DDAH1: variants seen among roughly 807,000 people sequenced by gnomAD.
The protein encoded by DDAH1 is N(G),N(G)-dimethylarginine dimethylaminohydrolase 1.
In DDAH1, 19 loss-of-function variants were observed where a neutral mutation model predicts 28.8. The observed-to-expected ratio is 0.66, with a 90% CI of 0.46 to 0.97. The LOEUF (loss-of-function observed/expected upper bound fraction) is 0.97, where lower values mean the gene tolerates loss of function less well. Among genes scored for constraint, DDAH1 ranks in the 50% least tolerant of loss-of-function variants. The pLI, the probability that DDAH1 is intolerant of heterozygous loss-of-function variation, is 0.00. For missense variants in DDAH1, 326 were observed against 375.9 expected (o/e 0.87, Z 1.10); for synonymous variants, 153 against 154.4 (o/e 0.99, Z 0.07).
At chr1:85,565,797 T>C (rs915492136) in intron 1 of DDAH1, among the ~76,000 whole-genome samples, 1 of 152,142 alleles carries the variant, frequency 6.6e-6, no homozygotes, top group Non-Finnish European at 1.5e-5. Flanking sequence ...GGCCAAAATA[T>C]TGGCTGGGTG....
At chr1:85,493,480 C>G (rs1056739951) in intron 2 of DDAH1, 2 of 151,896 alleles carry the variant, frequency 1.3e-5, no homozygotes, top group African/African-American at 4.8e-5. Context: ...AAATTAAAAC[C>G]CAAGGGCAGT....
chr1:85,404,074 C>G (rs1025841853), intron 1 of DDAH1, among the ~76,000 whole-genome samples: 1 of 152,028 alleles, frequency 6.6e-6, no homozygotes, highest in African/African-American at 2.4e-5. Context: ...ATTTCTATAA[C>G]TAGTTTTTAA....
chr1:85,393,821 T>G (rs966013204), intron 1 of DDAH1, among the ~76,000 whole-genome samples: 9 of 152,152 alleles, frequency 5.9e-5, no homozygotes, highest in Non-Finnish European at 1.3e-4. Flanking sequence ...GAATGACAAA[T>G]TTAGGGTTGC....
At position 85,358,758 on chromosome 1, in the gene DDAH1, A is replaced by G; in HGVS notation, c.393T>C (p.Val131=). ...DENATLDGGD[V]LFTGREFFVG... is the part of the protein sequence containing the mutation. ...TAAATACAACTATACCTGTGAATAAAACATCTCCGCCATCTAAAGTTGCAT... is the reference window on the plus strand; with the variant it reads ...TAAATACAACTATACCTGTGAATAAGACATCTCCGCCATCTAAAGTTGCAT... The change falls in exon 2 of 6, where the codon GTT becomes GTC. Residue 131 remains valine, a synonymous_variant. Coordinates refer to ENST00000284031, the MANE Select transcript of DDAH1 (RefSeq NM_012137.4). 6.2e-7 allele frequency: 1 copy of G among 1,605,442 alleles called. No homozygotes were observed. Among genetic ancestry groups the G allele is most frequent in the East Asian group, 2.2e-5 (1 of 44,812 alleles).
Position 85,324,529 on chromosome 1 carries a change from C to T in DDAH1, c.741+211G>A, listed in dbSNP as rs547445897. Among the ~76,000 whole-genome samples, 3 of 152,204 alleles carry T rather than the reference C, an allele frequency of 2.0e-5. No individual in the cohort carries two copies. The South Asian group carries it at 6.2e-4, about 32-fold the overall frequency. On this transcript the variant is annotated intron_variant, in intron 5 of 5. Coordinates refer to ENST00000284031, the MANE Select transcript of DDAH1 (RefSeq NM_012137.4). Reference sequence around the variant, plus strand: ...AAAAGCCTTGAATACCCGGCATGATCATCTCAATTACTATGCATGCATTAG... The same window carrying T: ...AAAAGCCTTGAATACCCGGCATGATTATCTCAATTACTATGCATGCATTAG...
intron 1 of DDAH1, among the ~76,000 whole-genome samples, chr1:85,443,917 G>T (rs907502109): frequency 1.3e-5 from 2 of 152,192 alleles, no homozygotes; most frequent in East Asian, 3.8e-4. Flanking sequence ...ATTTTGGGCT[G>T]AGACGACGGG....
chr1:85,361,229 T>C (rs952485911), intron 1 of DDAH1, among the ~76,000 whole-genome samples: 1 of 152,180 alleles, frequency 6.6e-6, no homozygotes, highest in East Asian at 1.9e-4. Flanking sequence ...CATGGGTCCA[T>C]AGCAAGCCAG....
At chr1:85,394,112 T>A (rs1651692062) in intron 1 of DDAH1, among the ~76,000 whole-genome samples, 1 of 152,210 alleles carries the variant, frequency 6.6e-6, no homozygotes. Flanking sequence ...GTTTGCTGTG[T>A]GTCTGCACCA....
chr1:85,367,788 A>G (rs1335341372), intron 1 of DDAH1, among the ~76,000 whole-genome samples: 3 of 152,166 alleles, frequency 2.0e-5, no homozygotes, highest in Non-Finnish European at 4.4e-5. Context: ...AACTGGTGAG[A>G]ACACATCCAT....
chr1:85,374,237 T>C (rs1650536178), intron 1 of DDAH1, among the ~76,000 whole-genome samples: 1 of 152,118 alleles, frequency 6.6e-6, no homozygotes, highest in African/African-American at 2.4e-5. Flanking sequence ...CATACTTCCC[T>C]GGGCTATTAT....
chr1:85,533,198 G>A (rs1462926852), intron 1 of DDAH1, among the ~76,000 whole-genome samples: 1 of 152,128 alleles, frequency 6.6e-6, no homozygotes, highest in Non-Finnish European at 1.5e-5. Flanking sequence ...TCACCGTGTA[G>A]ACATTAGAGG....
intron 2 of DDAH1, among the ~76,000 whole-genome samples, chr1:85,352,836 C>T (rs1256423365): frequency 6.6e-6 from 1 of 151,716 alleles, no homozygotes; most frequent in Admixed American, 6.6e-5. Flanking sequence ...GTCACAGTTT[C>T]CATGAACCTA....
At chr1:85,344,474 G>C (rs1183992481) in intron 4 of DDAH1, among the ~76,000 whole-genome samples, 1 of 152,196 alleles carries the variant, frequency 6.6e-6, no homozygotes, top group African/African-American at 2.4e-5. Flanking sequence ...TCCCTCCCAG[G>C]TGGGGTCAGC....
At position 85,464,698 on chromosome 1, in the gene DDAH1, G is replaced by A. The variant is rs918841145; in HGVS notation, c.303+45C>T. ...CAACACGGCGGCCGGCGGCGGGGGAGGGCCTGGCGCGCGCCCCGGCCGCGC... is the reference window on the plus strand; with the variant it reads ...CAACACGGCGGCCGGCGGCGGGGGAAGGCCTGGCGCGCGCCCCGGCCGCGC... On this transcript the variant is annotated intron_variant, in intron 1 of 5. Coordinates refer to ENST00000284031, the MANE Select transcript of DDAH1 (RefSeq NM_012137.4). The surrounding 1 kb of genome is among the most constrained non-coding windows in gnomAD (Gnocchi z 4.4). 2.1e-6 allele frequency: 3 copies of A among 1,430,272 alleles called. No homozygotes were observed. Among genetic ancestry groups the A allele is most frequent in the African/African-American group, 3.0e-5 (2 of 67,666 alleles). The allele number at this position is 1,430,272 out of a possible 1,614,324, so 88.6% of individuals were successfully genotyped here.
chr1:85,325,335 G>A (rs550036414), intron 4 of DDAH1, among the ~76,000 whole-genome samples: 26 of 149,552 alleles, frequency 1.7e-4, no homozygotes, highest in African/African-American at 5.9e-4. Context: ...AACACCACAC[G>A]TGTGTGCATG....
At chr1:85,324,546 A>G (rs1182905743) in intron 5 of DDAH1, among the ~76,000 whole-genome samples, 194 bp downstream of exon 5, 1 of 152,170 alleles carries the variant, frequency 6.6e-6, no homozygotes, top group Admixed American at 6.5e-5. Context: ...ATTACTATGC[A>G]TGCATTAGTG....
chr1:85,540,898 T>G (rs1362718455), intron 1 of DDAH1, among the ~76,000 whole-genome samples: 1 of 149,200 alleles, frequency 6.7e-6, no homozygotes, highest in African/African-American at 2.5e-5. Context: ...AGGCAGAGGT[T>G]GCAGTGAGCC....
At chr1:85,465,917 TAAAC>T (rs1655363090), upstream of DDAH1, among the ~76,000 whole-genome samples, 2 of 152,282 alleles carry the variant, frequency 1.3e-5, no homozygotes, top group South Asian at 2.1e-4. Flanking sequence ...ATCCGGAAAA[TAAAC>T]AATTCTTCCT....
chr1:85,342,755 G>A (rs1648583800), intron 4 of DDAH1, among the ~76,000 whole-genome samples: 2 of 152,178 alleles, frequency 1.3e-5, no homozygotes, highest in South Asian at 4.1e-4. Flanking sequence ...GGGATTGTAA[G>A]CTGGGCACTT....
Sources: allele counts gnomAD v4.1 joint callset (sites outside exome capture counted in the v4.1 genomes callset), GRCh38; gene constraint gnomAD v4.1.1; non-coding constraint Gnocchi (gnomAD v3.1); transcripts MANE v1.5; gene names NCBI Gene and HGNC (gene_info 2026-07-23, HGNC 2026-07-21).